Variants in PRKCA observed in about 807,000 individuals in gnomAD.
The protein encoded by PRKCA is protein kinase C alpha.
Under a neutral mutation model 87.0 loss-of-function variants are expected in PRKCA, and 27 were observed. That is an observed-to-expected ratio of 0.31 (90% CI 0.23 to 0.43). The LOEUF (loss-of-function observed/expected upper bound fraction) is 0.43. Ranked by LOEUF, PRKCA falls within the 20% of genes least tolerant of loss-of-function variation. The probability of loss-of-function intolerance (pLI) is 1.00; values close to 1 mark genes in which losing one functional copy is unlikely to be tolerated. For missense variants in PRKCA, 518 were observed against 852.3 expected, an observed-to-expected ratio of 0.61 and a Z score of 4.88; for synonymous variants, 329 against 311.1, an observed-to-expected ratio of 1.06 and a Z score of -0.61.
At chr17:66,540,267 A>T (rs1311040268) in intron 3 of PRKCA, among the ~76,000 whole-genome samples, 25 of 152,242 alleles carry the variant, frequency 1.6e-4, no homozygotes. Context: ...GAGCCAGCCC[A>T]GGGTTCTGAG....
intron 2 of PRKCA, among the ~76,000 whole-genome samples, chr17:66,492,007 C>T (rs1365305671): frequency 1.3e-5 from 2 of 152,212 alleles, no homozygotes; most frequent in African/African-American, 4.8e-5. Flanking sequence ...ACTTTTTCTC[C>T]TTAGTCACCC....
At chr17:66,589,776 T>C (rs538388483) in intron 3 of PRKCA, among the ~76,000 whole-genome samples, 1 of 152,306 alleles carries the variant, frequency 6.6e-6, no homozygotes, top group Non-Finnish European at 1.5e-5. Flanking sequence ...GCTCATGGTC[T>C]AGGGCAGCAG....
At chr17:66,652,713 G>A (rs187253209) in intron 5 of PRKCA, among the ~76,000 whole-genome samples, 2 of 152,284 alleles carry the variant, frequency 1.3e-5, no homozygotes, top group African/African-American at 2.4e-5. Flanking sequence ...TGATATCTAT[G>A]TCTGAAGCTT....
intron 2 of PRKCA, among the ~76,000 whole-genome samples, chr17:66,431,445 A>C (rs572167587): frequency 2.0e-5 from 3 of 152,320 alleles, no homozygotes; most frequent in South Asian, 4.1e-4. Context: ...TCTTCAGGAA[A>C]GGTGGCCTCA....
At chr17:66,764,861 C>G (rs917465049) in intron 13 of PRKCA, among the ~76,000 whole-genome samples, 2 of 152,180 alleles carry the variant, frequency 1.3e-5, no homozygotes, top group African/African-American at 4.8e-5. Flanking sequence ...CCAGAGACAC[C>G]TGCTCCTATC....
chr17:66,794,202 AT>A (rs1300697424), intron 16 of PRKCA, among the ~76,000 whole-genome samples: 2 of 152,084 alleles, frequency 1.3e-5, no homozygotes, highest in South Asian at 2.1e-4. Flanking sequence ...ACAGATGGCC[AT>A]TTTTTTTGTG....
intron 2 of PRKCA, among the ~76,000 whole-genome samples, chr17:66,395,821 T>G (rs1910631442): frequency 6.6e-6 from 1 of 152,130 alleles, no homozygotes; most frequent in Non-Finnish European, 1.5e-5. Context: ...TGGAGAGAGA[T>G]CCTTATAGTC....
At chr17:66,348,700 A>C (rs1313860098) in intron 2 of PRKCA, among the ~76,000 whole-genome samples, 1 of 152,194 alleles carries the variant, frequency 6.6e-6, no homozygotes, top group Non-Finnish European at 1.5e-5. Flanking sequence ...GTGTTGTGTT[A>C]AGATGGGTTT....
At chr17:66,520,897 T>C (rs1967138405) in intron 3 of PRKCA, among the ~76,000 whole-genome samples, 1 of 152,190 alleles carries the variant, frequency 6.6e-6, no homozygotes, top group African/African-American at 2.4e-5. Flanking sequence ...GGTCTGTCAT[T>C]CCTGATTTTA....
intron 2 of PRKCA, among the ~76,000 whole-genome samples, chr17:66,325,979 C>T (rs1905957530): frequency 6.6e-6 from 1 of 152,146 alleles, no homozygotes; most frequent in Non-Finnish European, 1.5e-5. Context: ...CATCCATTCA[C>T]ACACCTAAAA....
At chr17:66,510,544 G>A (rs1917178670) in intron 3 of PRKCA, among the ~76,000 whole-genome samples, 1 of 152,158 alleles carries the variant, frequency 6.6e-6, no homozygotes, top group Non-Finnish European at 1.5e-5. Flanking sequence ...TCAAAAGGGA[G>A]AAATGGAGAG....
At position 66,494,318 on chromosome 17, in the gene PRKCA, A is replaced by G. The variant is rs554839150; in HGVS notation, c.206-1883A>G. ...CCTGAGACTAGGTAATTTGTAAAGA[A>G]CATAAATTTGTTTTCTTACAGTTCT... On this transcript the variant is annotated intron_variant, in intron 2 of 16. Transcript: ENST00000413366. Among the ~76,000 whole-genome samples the G allele has an allele frequency of 7.8e-4, 119 of 152,334 alleles. 1 individual carries two copies. In the South Asian group the frequency reaches 0.023, roughly 30 times the overall value.
chr17:66,420,035 C>T (rs912510272), intron 2 of PRKCA, among the ~76,000 whole-genome samples: 19 of 139,162 alleles, frequency 1.4e-4, no homozygotes, highest in African/African-American at 5.1e-4. Context: ...AAATATGAGA[C>T]GGAGTCTTGC....
chr17:66,660,421 G>A (rs8077468), intron 5 of PRKCA, among the ~76,000 whole-genome samples: 1 of 152,090 alleles, frequency 6.6e-6, no homozygotes, highest in Non-Finnish European at 1.5e-5. Context: ...AGGCTACCTA[G>A]GTGCCTGGAA....
intron 2 of PRKCA, among the ~76,000 whole-genome samples, chr17:66,452,064 T>C (rs1914350966): frequency 6.6e-6 from 1 of 152,204 alleles, no homozygotes; most frequent in Admixed American, 6.5e-5. Flanking sequence ...CTCATTTATA[T>C]GAAGCCGTGT....
chr17:66,656,066 A>G (rs1186286184), intron 5 of PRKCA, among the ~76,000 whole-genome samples: 1 of 152,162 alleles, frequency 6.6e-6, no homozygotes, highest in Non-Finnish European at 1.5e-5. Context: ...GGGGACTCCA[A>G]CAGAGCTTTT....
chr17:66,331,324 T>C (rs563123151), intron 2 of PRKCA, among the ~76,000 whole-genome samples: 1 of 152,334 alleles, frequency 6.6e-6, no homozygotes, highest in African/African-American at 2.4e-5. Flanking sequence ...ACCTCTCATC[T>C]CTTTATCTTC....
intron 2 of PRKCA, among the ~76,000 whole-genome samples, chr17:66,321,217 G>C (rs975653135): frequency 3.9e-5 from 6 of 152,060 alleles, no homozygotes; most frequent in African/African-American, 1.4e-4. Flanking sequence ...TTTCTGAGTT[G>C]CTTTAAAAAT....
At chr17:66,796,710 C>G in intron 16 of PRKCA, 1 of 985,344 alleles carries the variant, frequency 1.0e-6, no homozygotes, top group Non-Finnish European at 1.2e-6. Context: ...GTGAAATGCA[C>G]CAGCCCATTT....
Sources: allele counts gnomAD v4.1 joint callset (sites outside exome capture counted in the v4.1 genomes callset), GRCh38; gene constraint gnomAD v4.1.1; transcripts MANE v1.5; gene names NCBI Gene and HGNC (gene_info 2026-07-23, HGNC 2026-07-21).